The following DYNC1I1 variants were observed in gnomAD, a reference collection of about 807,000 sequenced individuals.
DYNC1I1 encodes dynein cytoplasmic 1 intermediate chain 1.
In DYNC1I1, 43 loss-of-function variants were observed where a neutral mutation model predicts 86.6. The ratio of observed to expected loss-of-function variants is 0.50; its 90% CI spans 0.39 to 0.64. DYNC1I1 has a LOEUF of 0.64. Among genes scored for constraint, DYNC1I1 ranks in the 30% least tolerant of loss-of-function variants. The probability of loss-of-function intolerance (pLI) is 0.00; values close to 1 mark genes in which losing one functional copy is unlikely to be tolerated. For missense variants in DYNC1I1, 604 were observed against 788.8 expected, an observed-to-expected ratio of 0.77 and a Z score of 2.81; for synonymous variants, 262 against 283.7, an observed-to-expected ratio of 0.92 and a Z score of 0.77.
chr7:95,795,861 G>T (rs1478747067), intron 1 of DYNC1I1, among the ~76,000 whole-genome samples: 1 of 151,516 alleles, frequency 6.6e-6, no homozygotes, highest in East Asian at 1.9e-4. Context: ...TAAGAAACCT[G>T]CACATGTACC....
At chr7:95,906,413 T>G (rs574194213) in intron 6 of DYNC1I1, among the ~76,000 whole-genome samples, 52 of 152,334 alleles carry the variant, frequency 3.4e-4, no homozygotes, top group Non-Finnish European at 5.7e-4. Context: ...AGTGAGAGGC[T>G]TAATTCTTAT....
chr7:96,032,433 G>A (rs1794835603), intron 11 of DYNC1I1, among the ~76,000 whole-genome samples: 1 of 152,118 alleles, frequency 6.6e-6, no homozygotes, highest in Non-Finnish European at 1.5e-5. Flanking sequence ...CCACTGCATT[G>A]CATTCTGACT....
At chr7:95,788,211 T>G (rs543436426) in intron 1 of DYNC1I1, among the ~76,000 whole-genome samples, 1 of 152,146 alleles carries the variant, frequency 6.6e-6, no homozygotes, top group South Asian at 2.1e-4. Flanking sequence ...AGGCCAAAGA[T>G]AGAAATGAGA....
intron 1 of DYNC1I1, among the ~76,000 whole-genome samples, chr7:95,798,758 G>C (rs919020462): frequency 5.3e-5 from 8 of 152,170 alleles, no homozygotes; most frequent in African/African-American, 1.9e-4. Context: ...TTTGGGAGGT[G>C]CTGTTACTCT....
chr7:95,870,881 C>T (rs1790144531), intron 6 of DYNC1I1, among the ~76,000 whole-genome samples: 1 of 151,664 alleles, frequency 6.6e-6, no homozygotes, highest in South Asian at 2.1e-4. Flanking sequence ...TAGAGGCTAA[C>T]GTTGTTATAG....
intron 6 of DYNC1I1, among the ~76,000 whole-genome samples, chr7:95,962,303 C>T (rs751171192): frequency 6.6e-6 from 1 of 152,172 alleles, no homozygotes; most frequent in Admixed American, 6.5e-5. Flanking sequence ...AGGAGACTGT[C>T]TCACACAACT....
chr7:95,912,349 T>C (rs1160137205), intron 6 of DYNC1I1, among the ~76,000 whole-genome samples: 4 of 152,178 alleles, frequency 2.6e-5, no homozygotes, highest in African/African-American at 7.2e-5. Context: ...CTTGAACATC[T>C]TGATGCTAAG....
intron 6 of DYNC1I1, among the ~76,000 whole-genome samples, chr7:95,949,984 T>A (rs1198722365): frequency 1.3e-5 from 2 of 152,166 alleles, no homozygotes; most frequent in African/African-American, 4.8e-5. Context: ...CTTTTTTTTT[T>A]TCTTGCAGTA....
rs138003571 is a variant in DYNC1I1 at position 95,915,207 on chromosome 7, A to G, written c.490+45209A>G. On this transcript the variant is annotated intron_variant, in intron 6 of 16. Coordinates refer to ENST00000447467, the MANE Select transcript of DYNC1I1 (RefSeq NM_001135556.2). The stretch of plus-strand genomic sequence containing the variant: ...GAGGACAAACACATAATAACGAACT[A>G]TAGTAATAGCTATCATTCATTGAGC... Among the ~76,000 whole-genome samples the G allele has an allele frequency of 1.0e-3, 159 of 152,344 alleles. 4 individuals are homozygous for G. In the East Asian group the frequency reaches 0.028, roughly 26 times the overall value.
chr7:95,956,259 T>C (rs1328635615), intron 6 of DYNC1I1, among the ~76,000 whole-genome samples: 1 of 152,052 alleles, frequency 6.6e-6, no homozygotes, highest in Non-Finnish European at 1.5e-5. Flanking sequence ...TATTAAGTGC[T>C]TATTTGCTAG....
At chr7:96,089,681 CT>C (rs990741956) in intron 16 of DYNC1I1, among the ~76,000 whole-genome samples, 2 of 152,024 alleles carry the variant, frequency 1.3e-5, no homozygotes, top group Non-Finnish European at 2.9e-5. Flanking sequence ...AAAATGCTTC[CT>C]TTTCATTGTG....
At chr7:96,056,730 A>G (rs943746555) in intron 14 of DYNC1I1, among the ~76,000 whole-genome samples, 21 of 152,084 alleles carry the variant, frequency 1.4e-4, no homozygotes, top group Non-Finnish European at 7.4e-5. Flanking sequence ...TAGCATATGC[A>G]AATGTATATT....
intron 6 of DYNC1I1, among the ~76,000 whole-genome samples, chr7:95,898,072 C>T (rs139228411): frequency 6.6e-6 from 1 of 152,166 alleles, no homozygotes; most frequent in Non-Finnish European, 1.5e-5. Context: ...TTGGACATTG[C>T]CTTCAGCAAT....
At chr7:96,087,334 G>T (rs1287566920) in intron 16 of DYNC1I1, among the ~76,000 whole-genome samples, 2 of 152,170 alleles carry the variant, frequency 1.3e-5, no homozygotes, top group African/African-American at 4.8e-5. Flanking sequence ...TTTAATAACC[G>T]TGCTTTATGA....
At chr7:96,041,508 T>C (rs1344717622) in intron 14 of DYNC1I1, among the ~76,000 whole-genome samples, 3 of 152,124 alleles carry the variant, frequency 2.0e-5, no homozygotes, top group Non-Finnish European at 1.5e-5. Flanking sequence ...AGAAGACATA[T>C]GGAGAAGGAC....
At chr7:95,793,836 C>A (rs1794369936) in intron 1 of DYNC1I1, among the ~76,000 whole-genome samples, 1 of 152,258 alleles carries the variant, frequency 6.6e-6, no homozygotes, top group Non-Finnish European at 1.5e-5. Context: ...ACTATGTGCC[C>A]AATGTGATGC....
At chr7:95,882,886 T>C (rs1790492004) in intron 6 of DYNC1I1, among the ~76,000 whole-genome samples, 3 of 152,236 alleles carry the variant, frequency 2.0e-5, no homozygotes, top group Non-Finnish European at 4.4e-5. Context: ...AGTTGAAATC[T>C]CTCGTCACAT....
intron 1 of DYNC1I1, among the ~76,000 whole-genome samples, chr7:95,803,585 G>A (rs1430337842): frequency 1.3e-5 from 2 of 152,180 alleles, no homozygotes; most frequent in African/African-American, 4.8e-5. Context: ...ATTACCGTCT[G>A]GGGACAACGA....
intron 1 of DYNC1I1, among the ~76,000 whole-genome samples, chr7:95,802,100 C>G (rs1794591236): frequency 6.6e-6 from 1 of 151,900 alleles, no homozygotes; most frequent in African/African-American, 2.4e-5. Context: ...ACTTCAGTCC[C>G]CCATCCCACT....
Sources: gnomAD v4.1 joint callset for allele counts (sites outside exome capture counted in the v4.1 genomes callset) on GRCh38, gnomAD v4.1.1 for gene constraint, MANE v1.5 for transcripts, NCBI Gene and HGNC (gene_info 2026-07-23, HGNC 2026-07-21) for gene names.